Variants in PRKN observed in about 807,000 individuals in gnomAD.
The protein encoded by PRKN is parkin RBR E3 ubiquitin protein ligase, also known as E3 ubiquitin-protein ligase parkin.
Under a neutral mutation model 59.5 loss-of-function variants are expected in PRKN, and 56 were observed. The ratio of observed to expected loss-of-function variants is 0.94; its 90% CI spans 0.76 to 1.18. PRKN has a LOEUF of 1.18. Among genes scored for constraint, PRKN ranks in the 50% most tolerant of loss-of-function variants. The probability of loss-of-function intolerance (pLI) is 0.00; values close to 1 mark genes in which losing one functional copy is unlikely to be tolerated. For missense variants in PRKN, 657 were observed against 596.4 expected (o/e 1.10, Z -1.06); for synonymous variants, 250 against 222.1 (o/e 1.13, Z -1.12).
intron 6 of PRKN, among the ~76,000 whole-genome samples, chr6:161,840,733 G>T (rs1010577491): frequency 6.6e-6 from 1 of 152,086 alleles, no homozygotes; most frequent in African/African-American, 2.4e-5. Flanking sequence ...GTTTTAGTTT[G>T]CTAAGGATAA....
At chr6:162,173,523 T>C (rs1380177766) in intron 4 of PRKN, among the ~76,000 whole-genome samples, 1 of 130,100 alleles carries the variant, frequency 7.7e-6, no homozygotes, top group South Asian at 2.8e-4. Flanking sequence ...CAGGTATCTA[T>C]TTTGATGCAG....
intron 3 of PRKN, among the ~76,000 whole-genome samples, chr6:162,215,006 C>T (rs553597317): frequency 6.6e-6 from 1 of 152,182 alleles, no homozygotes; most frequent in Non-Finnish European, 1.5e-5. Context: ...TCTAGGAATC[C>T]TTATTTCATC....
At chr6:161,364,738 GGAGTTCAA>G (rs112951967) in intron 10 of PRKN, among the ~76,000 whole-genome samples, 52 of 152,146 alleles carry the variant, frequency 3.4e-4, no homozygotes, top group African/African-American at 1.1e-3. Context: ...TCTGAGGTCA[GGAGTTCAA>G]GATCAGCCTG....
At chr6:161,700,293 C>A (rs1487719966) in intron 7 of PRKN, among the ~76,000 whole-genome samples, 1 of 152,096 alleles carries the variant, frequency 6.6e-6, no homozygotes, top group African/African-American at 2.4e-5. Flanking sequence ...TTCCTTCTAA[C>A]CTCTTTGATC....
intron 1 of PRKN, chr6:162,694,920 T>C (rs1423933618): frequency 6.6e-6 from 1 of 152,210 alleles, no homozygotes; most frequent in Non-Finnish European, 1.5e-5. Context: ...GAACAAAACT[T>C]AGCACCACAA....
At chr6:161,418,200 TAGAC>T (rs1476922098) in intron 9 of PRKN, among the ~76,000 whole-genome samples, 5 of 152,228 alleles carry the variant, frequency 3.3e-5, no homozygotes, top group Admixed American at 1.3e-4. Flanking sequence ...TGTAATGAGT[TAGAC>T]AGATAACGTG....
At chr6:161,774,381 AGCACACAC>A (rs1261873823) in intron 7 of PRKN, among the ~76,000 whole-genome samples, 1,858 of 89,154 alleles carry the variant, frequency 0.021, 53 homozygotes, top group African/African-American at 0.064. Flanking sequence ...CTACTCCCTG[AGCACACAC>A]ACACACACAC....
intron 4 of PRKN, among the ~76,000 whole-genome samples, chr6:162,074,774 TA>T: frequency 6.6e-6 from 1 of 152,290 alleles, no homozygotes; most frequent in East Asian, 1.9e-4. Flanking sequence ...AGGGTGTACC[TA>T]TGTTAAACCA....
intron 6 of PRKN, among the ~76,000 whole-genome samples, chr6:161,878,440 T>C (rs1794814548): frequency 6.6e-6 from 1 of 152,200 alleles, no homozygotes; most frequent in Non-Finnish European, 1.5e-5. Context: ...ACCACTGTCC[T>C]GATTTTCAAC....
chr6:162,202,348 C>A (rs1784765633), intron 3 of PRKN, among the ~76,000 whole-genome samples: 1 of 152,086 alleles, frequency 6.6e-6, no homozygotes, highest in African/African-American at 2.4e-5. Flanking sequence ...AGAGCTTTTG[C>A]AGACATATTG....
chr6:162,477,124 G>A (rs755327820), intron 1 of PRKN, among the ~76,000 whole-genome samples: 2 of 152,142 alleles, frequency 1.3e-5, no homozygotes, highest in Non-Finnish European at 2.9e-5. Context: ...TAAGAAAAAT[G>A]AAATTGAAAT....
chr6:161,782,820 G>A (rs1228005107), intron 7 of PRKN, among the ~76,000 whole-genome samples: 1 of 151,878 alleles, frequency 6.6e-6, no homozygotes, highest in Non-Finnish European at 1.5e-5. Context: ...CTTGAACCCG[G>A]GAGGCCAAGG....
At chr6:161,918,049 G>C (rs1778640377) in intron 6 of PRKN, among the ~76,000 whole-genome samples, 1 of 152,170 alleles carries the variant, frequency 6.6e-6, no homozygotes, top group Non-Finnish European at 1.5e-5. Flanking sequence ...TTTTCTGTTT[G>C]CAATTTACAA....
chr6:162,011,340 TATA>T (rs1354939987), intron 5 of PRKN, among the ~76,000 whole-genome samples: 2 of 14,304 alleles, frequency 1.4e-4, no homozygotes, highest in African/African-American at 6.1e-4. Flanking sequence ...TAATATATTA[TATA>T]TTATAATATA....
At chr6:162,090,968 T>C (rs1164323485) in intron 4 of PRKN, among the ~76,000 whole-genome samples, 1 of 152,204 alleles carries the variant, frequency 6.6e-6, no homozygotes, top group East Asian at 1.9e-4. Flanking sequence ...CACTTGCCAG[T>C]ATAATACAAG....
chr6:162,476,726 C>T (rs1443050257), intron 1 of PRKN, among the ~76,000 whole-genome samples: 1 of 152,082 alleles, frequency 6.6e-6, no homozygotes, highest in Non-Finnish European at 1.5e-5. Flanking sequence ...ACAAGAGTAA[C>T]ACTGATAATA....
At chr6:162,507,567 A>G (rs1793663754) in intron 1 of PRKN, among the ~76,000 whole-genome samples, 1 of 152,216 alleles carries the variant, frequency 6.6e-6, no homozygotes, top group East Asian at 1.9e-4. Flanking sequence ...AAGTAACAAA[A>G]AGATCTACTA....
At chr6:162,276,310 AC>A (rs1322237191) in intron 2 of PRKN, among the ~76,000 whole-genome samples, 5 of 152,262 alleles carry the variant, frequency 3.3e-5, no homozygotes, top group African/African-American at 1.2e-4. Flanking sequence ...CATTATATAC[AC>A]AATGTGAATG....
intron 1 of PRKN, among the ~76,000 whole-genome samples, chr6:162,461,840 G>C (rs1480561726): frequency 4.0e-5 from 6 of 150,684 alleles, no homozygotes; most frequent in Non-Finnish European, 8.9e-5. Flanking sequence ...AAAAAAAAGA[G>C]ACAATGAAGA....
Sources: allele counts gnomAD v4.1 joint callset (sites outside exome capture counted in the v4.1 genomes callset), GRCh38; gene constraint gnomAD v4.1.1; transcripts MANE v1.5; gene names NCBI Gene and HGNC (gene_info 2026-07-23, HGNC 2026-07-21).